ADGRG7: variants seen among roughly 807,000 people sequenced by gnomAD.
ADGRG7 encodes the protein G-protein coupled receptor 128.
In ADGRG7, 82 loss-of-function variants were observed where a neutral mutation model predicts 88.6. That is an observed-to-expected ratio of 0.93 (90% CI 0.77 to 1.11). The LOEUF is 1.11. Ranked by LOEUF, ADGRG7 falls within the 50% of genes most tolerant of loss-of-function variation. The pLI is 0.00. For synonymous variants in ADGRG7, 381 were observed against 345.2 expected, an observed-to-expected ratio of 1.10 and a Z score of -1.15; for missense variants, 945 against 953.4, an observed-to-expected ratio of 0.99 and a Z score of 0.12.
chr3:100,660,678 C>T lies in ADGRG7; in HGVS notation c.1979+835C>T, dbSNP rs114939836. 3.5e-3 allele frequency among the ~76,000 whole-genome samples: 537 copies of T among 151,778 alleles called. 5 individuals are homozygous for T. The highest frequency in any genetic ancestry group is 5.2e-3 in the Non-Finnish European group (354 of 67,914). On this transcript the variant is annotated intron_variant, in intron 14 of 15. Coordinates refer to ENST00000273352, the MANE Select transcript of ADGRG7 (RefSeq NM_032787.3). The stretch of plus-strand genomic sequence containing the variant: ...CTTAAAAATTAAATTTTCGGCAGGG[C>T]GCAGTGGCTCATGCCTGTAATCCCA...
chr3:100,665,365 C>A (rs757212848), intron 14 of ADGRG7: 34 of 540,522 alleles, frequency 6.3e-5, no homozygotes, highest in Admixed American at 3.9e-4. Context: ...AGGCGTTTAT[C>A]CTTCAATCTT....
chr3:100,664,295 C>A (rs1279529727), intron 14 of ADGRG7, among the ~76,000 whole-genome samples: 1 of 152,044 alleles, frequency 6.6e-6, no homozygotes, highest in African/African-American at 2.4e-5. Context: ...TTAAGCGGTG[C>A]TTTATAAATG....
intron 15 of ADGRG7, among the ~76,000 whole-genome samples, chr3:100,677,611 G>C (rs2094967192): frequency 6.6e-6 from 1 of 152,072 alleles, no homozygotes; most frequent in Non-Finnish European, 1.5e-5. Flanking sequence ...GTCAGGGCTG[G>C]TGTTGATGAA....
chr3:100,694,685 TCTTC>T lies in ADGRG7; in HGVS notation c.2137-55_2137-52del. The T allele has an allele frequency of 2.7e-6, 4 of 1,503,860 alleles. No homozygotes were observed. In the South Asian group the frequency reaches 4.9e-5, roughly 18 times the overall value. The allele number at this position is 1,503,860 out of a possible 1,614,324, so 93.2% of individuals were successfully genotyped here. On this transcript the variant is annotated intron_variant, in intron 15 of 15. Coordinates refer to ENST00000273352, the MANE Select transcript of ADGRG7 (RefSeq NM_032787.3). ...TTGGGTGGCAGAGTGAAATAAAATG[TCTTC>T]CTTGATACTGTATCTCAGCACTTAC...
At chr3:100,649,848 A>G (rs1144118) in intron 11 of ADGRG7, 41 bp downstream of exon 11, 1,070,170 of 1,102,768 alleles carry the variant, frequency 0.97, 523,258 homozygotes, top group East Asian at 1. Flanking sequence ...AGAAATTGCT[A>G]TCTTGATATA....
At chr3:100,666,807 T>C (rs536563352) in intron 14 of ADGRG7, among the ~76,000 whole-genome samples, 4 of 151,044 alleles carry the variant, frequency 2.6e-5, no homozygotes, top group African/African-American at 7.3e-5. Context: ...GGTCCCTGAG[T>C]GTTTGTGTCC....
At chr3:100,620,176 C>T (rs908284341) in intron 1 of ADGRG7, among the ~76,000 whole-genome samples, 3 of 152,266 alleles carry the variant, frequency 2.0e-5, no homozygotes, top group Admixed American at 1.3e-4. Context: ...ACTGGCAAAC[C>T]GAATCCAGCA....
intron 5 of ADGRG7, among the ~76,000 whole-genome samples, chr3:100,636,949 C>T (rs1181313911): frequency 6.6e-6 from 1 of 152,168 alleles, no homozygotes; most frequent in African/African-American, 2.4e-5. Flanking sequence ...TAATTTTTAA[C>T]AACCAGAGTA....
At chr3:100,688,696 T>A (rs2094987660) in intron 15 of ADGRG7, among the ~76,000 whole-genome samples, 5 of 152,240 alleles carry the variant, frequency 3.3e-5, no homozygotes, top group African/African-American at 9.6e-5. Flanking sequence ...TTTGAGTGAG[T>A]TTCTTAATCC....
rs116327172 is a variant in ADGRG7, at chr3:100,633,307, A to G, written c.377A>G (p.Tyr126Cys). Residue 126 changes from tyrosine (Y) to cysteine (C), a missense_variant, in exon 4 of 16, where the codon TAT becomes TGT. Coordinates refer to ENST00000273352, the MANE Select transcript of ADGRG7 (RefSeq NM_032787.3). ...GTCCGGTTGTGCAGTCTCTCTCTAT[A>G]TGGAGAGATAGAATTACAAAAAGTG... ...MAVRLCSLSL[Y>C]GEIELQKVTI... 2.8e-4 allele frequency: 441 copies of G among 1,586,114 alleles called. 1 individual carries two copies. In the African/African-American group the frequency reaches 5.4e-3, roughly 19 times the overall value.
At chr3:100,646,327 G>A (rs140654439) in intron 9 of ADGRG7, 2 of 601,224 alleles carry the variant, frequency 3.3e-6, no homozygotes, top group Non-Finnish European at 2.9e-6. Context: ...CTCTTCAAAA[G>A]GTTCTTTGAT....
intron 13 of ADGRG7, among the ~76,000 whole-genome samples, chr3:100,659,295 CT>C (rs750274867): frequency 1.3e-5 from 2 of 151,496 alleles, no homozygotes; most frequent in Non-Finnish European, 2.9e-5. Flanking sequence ...AAAAAATCAG[CT>C]GGGCGTGGTG....
At position 100,670,793 on chromosome 3, in the gene ADGRG7, C is replaced by T. The variant is rs535618719; in HGVS notation, c.2136+1688C>T. On this transcript the variant is annotated intron_variant, in intron 15 of 15. Transcript: ENST00000273352. ...GTTCTCATTGTTCAACTGCCACTTA[C>T]GAGTGAGAACATGTGGTGTTTGGTT... 7.4e-4 allele frequency among the ~76,000 whole-genome samples: 113 copies of T among 152,140 alleles called. No individual in the cohort carries two copies. In the Middle Eastern group the frequency reaches 0.014, roughly 18 times the overall value.
chr3:100,637,515 A>C, intron 6 of ADGRG7, 113 bp downstream of exon 6: 1 of 718,558 alleles, frequency 1.4e-6, no homozygotes, highest in Non-Finnish European at 2.4e-6. Context: ...TAACTGACTG[A>C]TTCCTCTGGA....
intron 14 of ADGRG7, 73 bp from the exon 15 acceptor site, chr3:100,668,876 A>G: frequency 9.1e-7 from 1 of 1,094,914 alleles, no homozygotes; most frequent in Non-Finnish European, 1.3e-6. Flanking sequence ...CATTCTAAAT[A>G]GGAGAGTAAT....
chr3:100,658,720 C>T (rs748093587), intron 13 of ADGRG7, among the ~76,000 whole-genome samples: 17 of 152,192 alleles, frequency 1.1e-4, no homozygotes, highest in Admixed American at 2.6e-4. Flanking sequence ...CCTCCACACA[C>T]ATATACACGG....
intron 2 of ADGRG7, among the ~76,000 whole-genome samples, chr3:100,630,496 T>C (rs541471682): frequency 6.6e-6 from 1 of 152,290 alleles, no homozygotes; most frequent in South Asian, 2.1e-4. Flanking sequence ...ACATTTTAAC[T>C]GGAACCTGTT....
rs765369235 is a variant in ADGRG7 at position 100,659,774 on chromosome 3, T to C, written c.1910T>C (p.Ile637Thr). 2 of 1,614,020 alleles carry C rather than the reference T, an allele frequency of 1.2e-6. No homozygotes were observed. The highest frequency in any genetic ancestry group is 1.7e-6 in the Non-Finnish European group (2 of 1,179,922). The change falls in exon 14 of 16, where the codon ATC (isoleucine) becomes ACC (threonine). Residue 637 changes from isoleucine (I) to threonine (T), a missense_variant. Coordinates refer to ENST00000273352, the MANE Select transcript of ADGRG7 (RefSeq NM_032787.3). ...ATCGTACCTGTAACCATTATCCTCA[T>C]CAGCAATGTTGTTATGTTTATTACA... ...SFIVPVTIIL[I>T]SNVVMFITIS... is the part of the protein sequence containing the mutation.
intron 15 of ADGRG7, among the ~76,000 whole-genome samples, chr3:100,685,067 T>A (rs982819901): frequency 3.9e-5 from 6 of 152,176 alleles, no homozygotes; most frequent in Non-Finnish European, 7.4e-5. Flanking sequence ...TTTTTAATGT[T>A]TTGCCAGTCG....
Sources: gnomAD v4.1 joint callset for allele counts (sites outside exome capture counted in the v4.1 genomes callset) on GRCh38, gnomAD v4.1.1 for gene constraint, MANE v1.5 for transcripts, NCBI Gene and HGNC (gene_info 2026-07-23, HGNC 2026-07-21) for gene names.